Variants in SUGCT observed in about 807,000 individuals in gnomAD.
The protein encoded by SUGCT is succinyl-CoA:glutarate-CoA transferase, also known as succinyl-CoA:glutarate CoA-transferase.
A neutral mutation model predicts 55.0 loss-of-function variants in SUGCT; 41 were observed. The observed-to-expected ratio is 0.74, with a 90% CI of 0.58 to 0.97. The LOEUF is 0.97. Among genes scored for constraint, SUGCT ranks in the 50% least tolerant of loss-of-function variants. The pLI is 0.00. For synonymous variants in SUGCT, 187 were observed against 200.4 expected (o/e 0.93, Z 0.56); for missense variants, 568 against 547.8 (o/e 1.04, Z -0.37).
chr7:40,739,874 T>C (rs1282239850), intron 12 of SUGCT, among the ~76,000 whole-genome samples: 2 of 152,156 alleles, frequency 1.3e-5, no homozygotes, highest in Admixed American at 6.5e-5. Flanking sequence ...ATTTTTATGA[T>C]TGTGTAAGCC....
chr7:40,557,392 C>A (rs10236355), intron 12 of SUGCT, among the ~76,000 whole-genome samples: 1 of 152,188 alleles, frequency 6.6e-6, no homozygotes, highest in East Asian at 1.9e-4. Flanking sequence ...GCAATGATTT[C>A]TTGGATATGA....
rs917761882 is a variant in SUGCT, at chr7:40,555,268, C to T, written c.1089+58882C>T. On this transcript the variant is annotated intron_variant, in intron 12 of 13. Transcript: ENST00000335693. Reference sequence around the variant, plus strand: ...GGTCAGCTCTCGATGGTCCAGGATGCACTCTCTGATCAATGAAACCCTTCC... The same window carrying T: ...GGTCAGCTCTCGATGGTCCAGGATGTACTCTCTGATCAATGAAACCCTTCC... Among the ~76,000 whole-genome samples the T allele has an allele frequency of 3.4e-4, 52 of 150,980 alleles. 2 individuals carry two copies. The highest frequency in any genetic ancestry group is 3.4e-3 in the Admixed American group (52 of 15,178).
chr7:40,971,902 T>A, the SUGCT span, among the ~76,000 whole-genome samples: 43,098 of 152,074 alleles, frequency 0.28, 7,624 homozygotes, highest in Admixed American at 0.45. Context: ...CAGGTCTTTG[T>A]CAATTAATAT....
intron 12 of SUGCT, among the ~76,000 whole-genome samples, chr7:40,667,729 A>G (rs963552714): frequency 2.6e-5 from 4 of 152,032 alleles, no homozygotes; most frequent in Middle Eastern, 3.2e-3. Flanking sequence ...TTTAGTTTGT[A>G]TGCACAGAGA....
At chr7:40,960,898 C>T in the SUGCT span, among the ~76,000 whole-genome samples, 1 of 152,290 alleles carries the variant, frequency 6.6e-6, no homozygotes, top group African/African-American at 2.4e-5. Context: ...TGACAGCAGT[C>T]ACACACTTAT....
the SUGCT span, among the ~76,000 whole-genome samples, chr7:41,007,786 A>G: frequency 6.8e-6 from 1 of 147,164 alleles, no homozygotes; most frequent in Non-Finnish European, 1.5e-5. Flanking sequence ...AAAAGCTTCT[A>G]TGACAATGGA....
intron 12 of SUGCT, among the ~76,000 whole-genome samples, chr7:40,698,153 C>A (rs1208936887): frequency 6.6e-6 from 1 of 152,156 alleles, no homozygotes; most frequent in Non-Finnish European, 1.5e-5. Flanking sequence ...TGGCAGCCTG[C>A]AAGTGGCTGG....
At chr7:40,321,558 T>G (rs1795750919) in intron 9 of SUGCT, among the ~76,000 whole-genome samples, 1 of 147,514 alleles carries the variant, frequency 6.8e-6, no homozygotes, top group South Asian at 2.2e-4. Context: ...AATTTTTGTA[T>G]TTTTAGTAGA....
At chr7:40,847,391 T>G (rs568568822) in intron 13 of SUGCT, among the ~76,000 whole-genome samples, 1 of 149,098 alleles carries the variant, frequency 6.7e-6, no homozygotes, top group African/African-American at 2.4e-5. Context: ...AGATGACATA[T>G]ACATTTCTTT....
At chr7:40,783,916 T>C (rs1464944147) in intron 13 of SUGCT, among the ~76,000 whole-genome samples, 1 of 152,150 alleles carries the variant, frequency 6.6e-6, no homozygotes, top group African/African-American at 2.4e-5. Flanking sequence ...ATAAAACTAA[T>C]TTCCACCAAA....
At chr7:40,520,645 C>T (rs1233676711) in intron 12 of SUGCT, among the ~76,000 whole-genome samples, 1 of 152,154 alleles carries the variant, frequency 6.6e-6, no homozygotes, top group African/African-American at 2.4e-5. Context: ...AGTACAATTT[C>T]TTGGCCTTGA....
At chr7:40,505,489 T>C (rs554347418) in intron 12 of SUGCT, among the ~76,000 whole-genome samples, 1 of 152,254 alleles carries the variant, frequency 6.6e-6, no homozygotes, top group African/African-American at 2.4e-5. Context: ...CATACAATTT[T>C]AATTCCCTTA....
At chr7:40,448,141 C>CAAATGTAA (rs1343084978) in intron 9 of SUGCT, among the ~76,000 whole-genome samples, 7 of 151,804 alleles carry the variant, frequency 4.6e-5, no homozygotes, top group African/African-American at 1.7e-4. Context: ...TTAAAGAGTG[C>CAAATGTAA]CCAAAAGATT....
intron 13 of SUGCT, among the ~76,000 whole-genome samples, chr7:40,776,866 C>T (rs2329877): frequency 0.43 from 64,777 of 151,982 alleles, 14,654 homozygotes; most frequent in South Asian, 0.63. Context: ...GGGACAGGGC[C>T]CTACCAGTCA....
At chr7:40,164,889 C>T (rs1784350239) in intron 1 of SUGCT, among the ~76,000 whole-genome samples, 1 of 152,138 alleles carries the variant, frequency 6.6e-6, no homozygotes, top group African/African-American at 2.4e-5. Context: ...CAATTATTGC[C>T]TGCTGACTCC....
chr7:40,189,701 T>C, intron 5 of SUGCT, 107 bp downstream of exon 5: 2 of 428,856 alleles, frequency 4.7e-6, no homozygotes, highest in Non-Finnish European at 8.2e-6. Flanking sequence ...GATCTGTACG[T>C]TTGCAACAAA....
intron 9 of SUGCT, among the ~76,000 whole-genome samples, chr7:40,390,044 T>C (rs1785337737): frequency 6.6e-6 from 1 of 152,300 alleles, no homozygotes; most frequent in South Asian, 2.1e-4. Flanking sequence ...CACATGATTA[T>C]CTCAATAGAT....
intron 11 of SUGCT, among the ~76,000 whole-genome samples, chr7:40,481,953 G>C (rs915106999): frequency 9.2e-5 from 14 of 152,120 alleles, no homozygotes; most frequent in African/African-American, 3.1e-4. Context: ...CAATCTTGGA[G>C]ATGAGGACTT....
intron 6 of SUGCT, among the ~76,000 whole-genome samples, chr7:40,215,249 C>A (rs1041640536): frequency 6.6e-6 from 1 of 152,114 alleles, no homozygotes; most frequent in Non-Finnish European, 1.5e-5. Flanking sequence ...CTCAAACGAT[C>A]TTCCTACCTC....
Sources: gnomAD v4.1 joint callset for allele counts (sites outside exome capture counted in the v4.1 genomes callset) on GRCh38, gnomAD v4.1.1 for gene constraint, MANE v1.5 for transcripts, NCBI Gene and HGNC (gene_info 2026-07-23, HGNC 2026-07-21) for gene names.